The following UPP2 variants were observed in gnomAD, a reference collection of about 807,000 sequenced individuals.
UPP2 encodes uridine phosphorylase 2.
UPP2 carries 23 observed loss-of-function variants against 26.7 expected under a neutral mutation model. That is an observed-to-expected ratio of 0.86 (90% CI 0.62 to 1.22). The LOEUF is 1.22. Ranked by LOEUF, UPP2 falls within the 50% of genes most tolerant of loss-of-function variation. The pLI, the probability that UPP2 is intolerant of heterozygous loss-of-function variation, is 0.00. For synonymous variants in UPP2, 127 were observed against 141.3 expected, an observed-to-expected ratio of 0.90 and a Z score of 0.72; for missense variants, 387 against 396.7, an observed-to-expected ratio of 0.98 and a Z score of 0.21.
chr2:158,116,720 ATCT>A (rs1244623513), intron 3 of UPP2, among the ~76,000 whole-genome samples: 2 of 152,216 alleles, frequency 1.3e-5, no homozygotes, highest in Non-Finnish European at 2.9e-5. Context: ...ATAATAGTTC[ATCT>A]TCTTATTTTG....
chr2:158,057,820 A>G (rs1682272476), intron 3 of UPP2, among the ~76,000 whole-genome samples: 2 of 151,706 alleles, frequency 1.3e-5, no homozygotes, highest in Admixed American at 6.6e-5. Flanking sequence ...TTTTTGTAGA[A>G]GTGGGTGGCT....
chr2:158,005,585 T>C (rs543117501), intron 2 of UPP2, among the ~76,000 whole-genome samples: 2 of 152,200 alleles, frequency 1.3e-5, no homozygotes, highest in Non-Finnish European at 2.9e-5. Flanking sequence ...TTGATAGTAC[T>C]TGTTGATGGT....
chr2:158,097,978 A>G (rs57552316), upstream of UPP2, among the ~76,000 whole-genome samples: 3,574 of 152,262 alleles, frequency 0.023, 119 homozygotes, highest in African/African-American at 0.082. Context: ...GGAAATTAGA[A>G]TTCTTTCAAT....
chr2:158,033,505 G>T (rs1683956340), intron 3 of UPP2, among the ~76,000 whole-genome samples: 1 of 152,154 alleles, frequency 6.6e-6, no homozygotes, highest in South Asian at 2.1e-4. Context: ...GGGAGCTTGA[G>T]GGGAGCCAGC....
intron 3 of UPP2, among the ~76,000 whole-genome samples, chr2:158,089,875 A>C (rs2105201302): frequency 6.6e-6 from 1 of 152,258 alleles, no homozygotes; most frequent in Middle Eastern, 3.4e-3. Context: ...GGCCTGCAGC[A>C]GCAGTTCACT....
intron 3 of UPP2, among the ~76,000 whole-genome samples, chr2:158,085,420 C>A (rs1436721930): frequency 6.6e-6 from 1 of 152,030 alleles, no homozygotes; most frequent in Admixed American, 6.6e-5. Flanking sequence ...TTAGGGTTTT[C>A]TAGGTATACA....
In UPP2 at chr2:158,027,074, C is replaced by G. The variant is rs11679887; in HGVS notation, c.147+11188C>G. Among the ~76,000 whole-genome samples the G allele has an allele frequency of 6.7e-3, 1,018 of 152,168 alleles. 6 individuals are homozygous for G. The highest frequency in any genetic ancestry group is 0.024 in the Admixed American group (365 of 15,276). ...AGATGAGATTTGGGTGGGGACACAG[C>G]CAAACCTTTATCATTCCACCCCGGC... On this transcript the variant is annotated intron_variant, in intron 3 of 9. Coordinates refer to the UPP2 transcript ENST00000605860.
At chr2:157,999,099 C>T (rs1361358891) in intron 2 of UPP2, among the ~76,000 whole-genome samples, 1 of 152,024 alleles carries the variant, frequency 6.6e-6, no homozygotes, top group African/African-American at 2.4e-5. Flanking sequence ...ACTTTCAATC[C>T]CATCTAGTTT....
At chr2:158,061,822 A>G (rs918797495) in intron 3 of UPP2, among the ~76,000 whole-genome samples, 1 of 152,230 alleles carries the variant, frequency 6.6e-6, no homozygotes, top group Admixed American at 6.5e-5. Flanking sequence ...CTGGACCCAT[A>G]TCGCCTTTGC....
intron 3 of UPP2, chr2:158,015,965 CG>C (rs1433695245): frequency 3.0e-6 from 1 of 334,602 alleles, no homozygotes; most frequent in Non-Finnish European, 5.9e-6. Context: ...AAAGGACTAA[CG>C]CATATACCCA....
rs757678181 is a variant in UPP2, at chr2:158,134,782, C to G, written c.846C>G (p.Leu282=). 1 of 1,612,920 alleles carries G rather than the reference C, an allele frequency of 6.2e-7. No individual in the cohort carries two copies. Among genetic ancestry groups the G allele is most frequent in the Non-Finnish European group, 8.5e-7 (1 of 1,179,424 alleles). Residue 282 remains leucine, a synonymous_variant, in exon 7 of 7, where the codon CTC becomes CTG. Transcript: ENST00000005756. ...TCTGTGTGACACTTCTCGACAGACT[C>G]GACTGTGATCAGATCAACTTGCCTC... The part of the protein sequence containing the change: ...AVVCVTLLDR[L]DCDQINLPHD...
intron 3 of UPP2, among the ~76,000 whole-genome samples, chr2:158,029,590 A>T (rs1465108957): frequency 6.6e-6 from 1 of 152,230 alleles, no homozygotes; most frequent in African/African-American, 2.4e-5. Flanking sequence ...AAACTGGGAC[A>T]CTTTTGAGCA....
At chr2:158,105,152 T>C (rs572692903) in intron 1 of UPP2, among the ~76,000 whole-genome samples, 1 of 152,102 alleles carries the variant, frequency 6.6e-6, no homozygotes, top group South Asian at 2.1e-4. Context: ...ATAACTTTTA[T>C]CACTAACAAC....
chr2:158,031,898 G>A lies in UPP2; in HGVS notation c.147+16012G>A, dbSNP rs538106802. ...TTTAAAAGGTGGTTAGAATTTGATC[G>A]TGATCATGATCATCACCATTATCAC... On this transcript the variant is annotated intron_variant, in intron 3 of 9. Transcript: ENST00000605860. Among the ~76,000 whole-genome samples, 6 of 152,074 alleles carry A rather than the reference G, an allele frequency of 3.9e-5. No individual in the cohort carries two copies. The South Asian group carries it at 1.0e-3, about 26-fold the overall frequency.
chr2:158,065,623 C>G (rs1427442008), intron 3 of UPP2: 2 of 580,446 alleles, frequency 3.4e-6, no homozygotes, highest in African/African-American at 3.8e-5. Flanking sequence ...ACAACCCAAC[C>G]AATGTGACCT....
intron 2 of UPP2, among the ~76,000 whole-genome samples, chr2:158,002,019 T>C (rs1352549988): frequency 7.4e-6 from 1 of 135,598 alleles, no homozygotes; most frequent in East Asian, 2.2e-4. Context: ...GGAAAGAAGG[T>C]ACTCATATGG....
In UPP2 at chr2:158,092,974, G is replaced by A. The variant is rs138912547; in HGVS notation, c.148-9066G>A. 8.4e-3 allele frequency among the ~76,000 whole-genome samples: 1,272 copies of A among 152,220 alleles called. 25 individuals carry two copies. The highest frequency in any genetic ancestry group is 0.028 in the African/African-American group (1,164 of 41,524). On this transcript the variant is annotated intron_variant, in intron 3 of 9. Transcript: ENST00000605860. ...CTCACTTTGCCACCCAGGCTGGAGT[G>A]CAGTGGCATGATCTCGGCTCACTGC...
intron 2 of UPP2, among the ~76,000 whole-genome samples, chr2:158,109,795 A>G (rs568595056): frequency 1.9e-4 from 29 of 152,336 alleles, no homozygotes; most frequent in African/African-American, 6.7e-4. Flanking sequence ...CAATTAATAC[A>G]TACGGTGGAA....
chr2:158,038,737 A>G (rs1440110391), intron 3 of UPP2, among the ~76,000 whole-genome samples: 1 of 152,220 alleles, frequency 6.6e-6, no homozygotes, highest in African/African-American at 2.4e-5. Context: ...TGACCTCCCA[A>G]AAGACATCAT....
Sources: allele counts gnomAD v4.1 joint callset (sites outside exome capture counted in the v4.1 genomes callset), GRCh38; gene constraint gnomAD v4.1.1; transcripts MANE v1.5; gene names NCBI Gene and HGNC (gene_info 2026-07-23, HGNC 2026-07-21).